TMEM232: variants seen among roughly 807,000 people sequenced by gnomAD.
TMEM232 encodes the protein transmembrane protein 232.
Under a neutral mutation model 78.8 loss-of-function variants are expected in TMEM232, and 80 were observed. The ratio of observed to expected loss-of-function variants is 1.01; its 90% CI spans 0.85 to 1.22. The LOEUF (loss-of-function observed/expected upper bound fraction) is 1.22, where lower values mean the gene tolerates loss of function less well. TMEM232 is among the 50% of genes most tolerant of loss of function. TMEM232 has a pLI of 0.00. For synonymous variants in TMEM232, 297 were observed against 254.3 expected, an observed-to-expected ratio of 1.17 and a Z score of -1.60; for missense variants, 881 against 742.2, an observed-to-expected ratio of 1.19 and a Z score of -2.17.
chr5:110,709,340 G>A (rs963501138), intron 1 of TMEM232, among the ~76,000 whole-genome samples: 6 of 151,946 alleles, frequency 3.9e-5, no homozygotes, highest in Admixed American at 2.6e-4. Flanking sequence ...ACAGAAAATC[G>A]ACAAAGAAAC....
At chr5:110,588,244 C>T (rs571458812) in intron 10 of TMEM232, among the ~76,000 whole-genome samples, 21 of 152,020 alleles carry the variant, frequency 1.4e-4, no homozygotes, top group Non-Finnish European at 2.5e-4. Flanking sequence ...ATTGGAGAAC[C>T]GGCTTAGAAA....
chr5:110,664,916 A>G (rs1025347626), intron 2 of TMEM232, among the ~76,000 whole-genome samples: 3 of 152,186 alleles, frequency 2.0e-5, no homozygotes, highest in African/African-American at 7.2e-5. Context: ...AGGGCTTTTC[A>G]AATTTGTTTA....
chr5:110,418,663 T>C (rs1040528381), downstream of TMEM232, among the ~76,000 whole-genome samples: 1 of 152,010 alleles, frequency 6.6e-6, no homozygotes, highest in African/African-American at 2.4e-5. Context: ...TAATAGCATG[T>C]TGGAAGTATT....
intron 12 of TMEM232, among the ~76,000 whole-genome samples, chr5:110,498,078 G>A (rs1765823583): frequency 1.3e-5 from 2 of 152,032 alleles, no homozygotes; most frequent in Non-Finnish European, 2.9e-5. Flanking sequence ...TCAAACCTAA[G>A]TTAAAGACTC....
chr5:110,712,450 T>C (rs529005844), intron 1 of TMEM232, among the ~76,000 whole-genome samples: 11 of 152,228 alleles, frequency 7.2e-5, no homozygotes, highest in African/African-American at 2.6e-4. Flanking sequence ...TGAATAGATA[T>C]TTTTCAAAAG....
chr5:110,463,622 C>T (rs1021906764), intron 12 of TMEM232, among the ~76,000 whole-genome samples: 2 of 152,146 alleles, frequency 1.3e-5, no homozygotes, highest in African/African-American at 4.8e-5. Context: ...CAAAACCATT[C>T]CACCTGATTT....
At position 110,533,864 on chromosome 5, in the gene TMEM232, C is replaced by T. The variant is rs375904187; in HGVS notation, c.1456-5029G>A. On this transcript the variant is annotated intron_variant, in intron 11 of 13. Transcript: ENST00000455884. ...ATCGCCACACACCAGCAAAGGCAGG[C>T]TATGCTATAGTACAAGCCACTAGCC... 6.6e-5 allele frequency among the ~76,000 whole-genome samples: 10 copies of T among 152,262 alleles called. 1 individual carries two copies. In the East Asian group the frequency reaches 7.7e-4, roughly 12 times the overall value.
intron 11 of TMEM232, among the ~76,000 whole-genome samples, chr5:110,535,146 A>C (rs989665588): frequency 6.6e-6 from 1 of 152,172 alleles, no homozygotes. Context: ...AAGCTAAGCC[A>C]TCATATCCCC....
At chr5:110,626,331 A>C (rs1186565346) in intron 6 of TMEM232, among the ~76,000 whole-genome samples, 1 of 152,046 alleles carries the variant, frequency 6.6e-6, no homozygotes, top group Non-Finnish European at 1.5e-5. Flanking sequence ...AGGAGTTAAG[A>C]AGTAGTTCTA....
chr5:110,642,538 T>C (rs923566863), intron 2 of TMEM232, among the ~76,000 whole-genome samples, 167 bp from the exon 3 acceptor site: 4 of 152,150 alleles, frequency 2.6e-5, no homozygotes, highest in Admixed American at 1.3e-4. Context: ...GCAAGCCTCC[T>C]GGACTGATCC....
chr5:110,596,278 T>C (rs1333867538), intron 10 of TMEM232, among the ~76,000 whole-genome samples: 1 of 152,106 alleles, frequency 6.6e-6, no homozygotes, highest in African/African-American at 2.4e-5. Flanking sequence ...AATGGATAAA[T>C]TCCTCGACAC....
At chr5:110,414,456 G>A (rs1431603232) in intron 2 of TMEM232, among the ~76,000 whole-genome samples, 1 of 152,058 alleles carries the variant, frequency 6.6e-6, no homozygotes, top group Non-Finnish European at 1.5e-5. Context: ...TATCTATATG[G>A]TGAAATATCA....
chr5:110,551,273 G>T lies in TMEM232; in HGVS notation c.1455+17174C>A, dbSNP rs551147938. Among the ~76,000 whole-genome samples the T allele has an allele frequency of 7.9e-5, 12 of 152,280 alleles. No homozygotes were observed. The East Asian group carries it at 2.3e-3, about 29-fold the overall frequency. ...GTGTCTCACTCTGTTGGCCAGGCTG[G>T]AGTGCAGTGGCCCAATCTTGGCTCA... On this transcript the variant is annotated intron_variant, in intron 11 of 13. Transcript: ENST00000455884.
At chr5:110,450,407 C>T (rs1238468782) in intron 12 of TMEM232, among the ~76,000 whole-genome samples, 5 of 152,066 alleles carry the variant, frequency 3.3e-5, no homozygotes, top group Non-Finnish European at 7.4e-5. Context: ...GTCCAGGTTT[C>T]ATCTCTCTCA....
At chr5:110,551,203 TTTTG>T (rs532103245) in intron 11 of TMEM232, among the ~76,000 whole-genome samples, 204 of 151,884 alleles carry the variant, frequency 1.3e-3, no homozygotes, top group South Asian at 6.7e-3. Context: ...AAGTCTAACT[TTTTG>T]TTTGTTTGTT....
At chr5:110,431,389 G>C (rs934426961) in intron 12 of TMEM232, among the ~76,000 whole-genome samples, 2 of 151,558 alleles carry the variant, frequency 1.3e-5, no homozygotes, top group African/African-American at 4.8e-5. Context: ...TAACTTAAAA[G>C]TTAGATAATC....
Position 110,618,506 on chromosome 5 carries a change from A to C in TMEM232, c.825T>G (p.Val275=). 6.4e-7 allele frequency: 1 copy of C among 1,551,720 alleles called. No homozygotes were observed. Among genetic ancestry groups the C allele is most frequent in the Middle Eastern group, 1.7e-4 (1 of 5,986 alleles). Residue 275 remains valine, a synonymous_variant, in exon 8 of 14, where the codon GTT becomes GTG. Coordinates refer to ENST00000455884, the MANE Select transcript of TMEM232 (RefSeq NM_001039763.4). ...TATTCAACTGAGGACTGTTATTCTG[A>C]ACACAAGACCAAGCAGCAACACAGT... is the stretch of plus-strand genomic sequence containing the variant. ...LWHCVAAWSC[V]QNNSPQLNNV...
chr5:110,391,812 TA>T (rs1428933377), intron 3 of TMEM232, among the ~76,000 whole-genome samples: 1 of 152,178 alleles, frequency 6.6e-6, no homozygotes, highest in Non-Finnish European at 1.5e-5. Context: ...ACTCCACTTG[TA>T]AAAACAGAAG....
intron 12 of TMEM232, among the ~76,000 whole-genome samples, chr5:110,516,477 CTT>C (rs1768665518): frequency 6.6e-6 from 1 of 152,042 alleles, no homozygotes; most frequent in Admixed American, 6.5e-5. Flanking sequence ...TTAAGGTAAA[CTT>C]GAGATCGTTT....
Sources: allele counts gnomAD v4.1 joint callset (sites outside exome capture counted in the v4.1 genomes callset), GRCh38; gene constraint gnomAD v4.1.1; transcripts MANE v1.5; gene names NCBI Gene and HGNC (gene_info 2026-07-23, HGNC 2026-07-21).